Variants in CYP2U1 observed in about 807,000 individuals in gnomAD.
CYP2U1 encodes the protein cytochrome P450 family 2 subfamily U member 1.
Under a neutral mutation model 42.8 loss-of-function variants are expected in CYP2U1, and 28 were observed. The observed-to-expected ratio is 0.65, with a 90% CI of 0.48 to 0.90. The LOEUF is 0.90. Ranked by LOEUF, CYP2U1 falls within the 40% of genes least tolerant of loss-of-function variation. The pLI is 0.00. For missense variants in CYP2U1, 642 were observed against 693.8 expected (o/e 0.93, Z 0.84); for synonymous variants, 296 against 278.9 (o/e 1.06, Z -0.61).
chr4:107,933,544 CTT>C (rs1480371542), intron 1 of CYP2U1, among the ~76,000 whole-genome samples: 3 of 152,096 alleles, frequency 2.0e-5, no homozygotes, highest in Non-Finnish European at 4.4e-5. Context: ...TAGATAATGT[CTT>C]AGTGTTCATC....
intron 1 of CYP2U1, chr4:107,938,356 T>C (rs1733354078): frequency 6.6e-6 from 1 of 152,186 alleles, no homozygotes; most frequent in South Asian, 2.1e-4. Flanking sequence ...TAAAATAAAT[T>C]TAAGTTATCT....
intron 3 of CYP2U1, 26 bp from the exon 4 acceptor site, chr4:107,949,324 C>A: frequency 6.9e-7 from 1 of 1,454,904 alleles, no homozygotes; most frequent in South Asian, 1.6e-5. Context: ...TACTGAATAA[C>A]ACCCATATGT....
chr4:107,939,581 A>C (rs901619405), intron 1 of CYP2U1, among the ~76,000 whole-genome samples: 2 of 152,196 alleles, frequency 1.3e-5, no homozygotes, highest in Non-Finnish European at 2.9e-5. Context: ...GTGGAGGATG[A>C]CTACACTTAA....
intron 4 of CYP2U1, 29 bp from the exon 5 acceptor site, chr4:107,950,216 C>T: frequency 6.4e-7 from 1 of 1,568,160 alleles, no homozygotes; most frequent in South Asian, 1.2e-5. Context: ...GTATTATAAT[C>T]CTTCATTTTT....
intron 1 of CYP2U1, among the ~76,000 whole-genome samples, chr4:107,943,152 C>T (rs1413415877): frequency 3.3e-5 from 5 of 152,186 alleles, no homozygotes; most frequent in Non-Finnish European, 7.4e-5. Flanking sequence ...CGATGAGATA[C>T]GTTTCAGCCT....
intron 1 of CYP2U1, among the ~76,000 whole-genome samples, chr4:107,939,882 T>C (rs547305248): frequency 1.3e-5 from 2 of 152,028 alleles, no homozygotes; most frequent in Non-Finnish European, 2.9e-5. Flanking sequence ...AAATGAAAAG[T>C]TGCTTCTAGA....
Position 107,952,176 on chromosome 4 carries a change from C to T in CYP2U1, c.*1753C>T, listed in dbSNP as rs1733933482. 6.6e-6 allele frequency: 1 copy of T among 152,152 alleles called. No homozygotes were observed. Among genetic ancestry groups the T allele is most frequent in the African/African-American group, 2.4e-5 (1 of 41,416 alleles). The allele number at this position is 152,152 out of a possible 1,614,324, so 9.4% of individuals were successfully genotyped here. ...AAGTGTACTTAAGAGAAAAATCCTA[C>T]CTTATTTGAATAATTACAAGTCATG... is the stretch of plus-strand genomic sequence containing the variant. On this transcript the variant is annotated 3_prime_UTR_variant, in exon 5 of 5. Transcript: ENST00000332884.
intron 1 of CYP2U1, among the ~76,000 whole-genome samples, chr4:107,943,616 A>G (rs932401527): frequency 1.3e-5 from 2 of 152,248 alleles, no homozygotes; most frequent in Non-Finnish European, 2.9e-5. Flanking sequence ...GACATTTGGA[A>G]GATTCCAATG....
At position 107,950,511 on chromosome 4, in the gene CYP2U1, C is replaced by A; in HGVS notation, c.*88C>A. ...TTCCTACTGCAAAGGACAGTGAATC[C>A]AGCAACTCAGTGGATCCAAGCTGGG... On this transcript the variant is annotated 3_prime_UTR_variant, in exon 5 of 5. Coordinates refer to ENST00000332884, the MANE Select transcript of CYP2U1 (RefSeq NM_183075.3). 1 of 1,362,552 alleles carries A rather than the reference C, an allele frequency of 7.3e-7. No homozygotes were observed. Among genetic ancestry groups the A allele is most frequent in the Middle Eastern group, 2.0e-4 (1 of 5,078 alleles). 84.4% of individuals were successfully genotyped at this position (1,362,552 alleles called of 1,614,324 possible).
rs1733655907 is a variant in CYP2U1 at position 107,945,267 on chromosome 4, T to C, written c.788T>C (p.Leu263Pro). 1 of 1,614,158 alleles carries C rather than the reference T, an allele frequency of 6.2e-7. No homozygotes were observed. ...GFMSRGLEIC[L>P]NSQVLLVNIC... is the part of the protein sequence containing the mutation. ...ATGTCACGAGGCCTAGAAATCTGTC[T>C]GAACAGTCAAGTCCTCCTGGTCAAC... Residue 263 changes from leucine to proline, a missense_variant, in exon 2 of 5, where the codon CTG (leucine) becomes CCG (proline). Physicochemically the swap from Leu to Pro is moderately conservative, Grantham distance 98. Transcript: ENST00000332884.
rs1282656972 is a variant in CYP2U1 at position 107,950,317 on chromosome 4, G to A, written c.1529G>A (p.Ser510Asn). 2 of 1,614,098 alleles carry A rather than the reference G, an allele frequency of 1.2e-6. No homozygotes were observed. Among genetic ancestry groups the A allele is most frequent in the Admixed American group, 3.3e-5 (2 of 60,014 alleles). ...LFLMFVSLMQSFAFALPEDSK... is the reference protein window; with the variant it reads ...LFLMFVSLMQNFAFALPEDSK... ...CTAATGTTTGTGAGCCTAATGCAGA[G>A]TTTCGCATTTGCTTTACCTGAGGAT... Residue 510 changes from serine (S) to asparagine (N), a missense_variant, in exon 5 of 5, where the codon AGT (serine) becomes AAT (asparagine). Transcript: ENST00000332884.
chr4:107,950,315 G>C lies in CYP2U1; in HGVS notation c.1527G>C (p.Gln509His), dbSNP rs2126203368. The C allele has an allele frequency of 1.2e-6, 2 of 1,614,104 alleles. No individual in the cohort carries two copies. Among genetic ancestry groups the C allele is most frequent in the Non-Finnish European group, 8.5e-7 (1 of 1,180,008 alleles). ...ELFLMFVSLM[Q>H]SFAFALPEDS... is the part of the protein sequence containing the mutation. ...TCCTAATGTTTGTGAGCCTAATGCAGAGTTTCGCATTTGCTTTACCTGAGG... is the reference window on the plus strand; with the variant it reads ...TCCTAATGTTTGTGAGCCTAATGCACAGTTTCGCATTTGCTTTACCTGAGG... The change falls in exon 5 of 5, where the codon CAG becomes CAC. Residue 509 changes from glutamine (Q) to histidine (H), a missense_variant. Coordinates refer to ENST00000332884, the MANE Select transcript of CYP2U1 (RefSeq NM_183075.3).
In CYP2U1 at chr4:107,941,233, A is replaced by C. The variant is rs112887065; in HGVS notation, c.491-3737A>C. 138 of 104,494 alleles carry C rather than the reference A, an allele frequency of 1.3e-3. 3 individuals are homozygous for C. The highest frequency in any genetic ancestry group is 4.2e-3 in the African/African-American group (131 of 31,562). 6.5% of individuals were successfully genotyped at this position (104,494 alleles called of 1,614,324 possible). On this transcript the variant is annotated intron_variant, in intron 1 of 4. Transcript: ENST00000332884. Reference sequence around the variant, plus strand: ...CTAATATATATCTGTATTTAACAGCATATATATATATAAATATAAATCTGT... The same window carrying C: ...CTAATATATATCTGTATTTAACAGCCTATATATATATAAATATAAATCTGT...
intron 1 of CYP2U1, chr4:107,937,197 G>A (rs560538961): frequency 1.3e-5 from 2 of 152,226 alleles, no homozygotes; most frequent in South Asian, 2.1e-4. Context: ...TACCTCAAAG[G>A]GGAACAAGAT....
At chr4:107,947,310 C>T in intron 2 of CYP2U1, 66 bp from the exon 3 acceptor site, 2 of 1,429,140 alleles carry the variant, frequency 1.4e-6, no homozygotes, top group Non-Finnish European at 2.0e-6. Context: ...GGAAAGTATG[C>T]AGAGGAGGGC....
Position 107,931,939 on chromosome 4 carries a change from C to G in CYP2U1, c.296C>G (p.Ser99Trp), listed in dbSNP as rs1733002087. 1 of 1,551,378 alleles carries G rather than the reference C, an allele frequency of 6.4e-7. No individual in the cohort carries two copies. The highest frequency in any genetic ancestry group is 8.7e-7 in the Non-Finnish European group (1 of 1,147,024). ...ACCAGGGCCGCAGGGATTGATCCCT[C>G]GGTCATAGGCCCGCAGGTGCTCCTG... The part of the protein sequence containing the change: ...SRTRAAGIDP[S>W]VIGPQVLLAH... Residue 99 changes from serine (S) to tryptophan (W), a missense_variant, in exon 1 of 5, where the codon TCG becomes TGG. Transcript: ENST00000332884.
intron 3 of CYP2U1, among the ~76,000 whole-genome samples, chr4:107,947,944 T>C (rs1452245674): frequency 6.6e-6 from 1 of 152,162 alleles, no homozygotes; most frequent in African/African-American, 2.4e-5. Context: ...ACTTCAACTT[T>C]TAAAATTCTG....
intron 1 of CYP2U1, 53 bp downstream of exon 1, chr4:107,932,186 A>G (rs971664984): frequency 3.9e-6 from 6 of 1,548,692 alleles, no homozygotes; most frequent in Middle Eastern, 3.6e-4. Context: ...ATGAGTCTCC[A>G]GGTGCGTGGG....
At position 107,947,574 on chromosome 4, in the gene CYP2U1, G is replaced by A. The variant is rs775245820; in HGVS notation, c.1288+37G>A. 17 of 1,608,166 alleles carry A rather than the reference G, an allele frequency of 1.1e-5. No individual in the cohort carries two copies. The Middle Eastern group carries it at 8.4e-4, about 79-fold the overall frequency. On this transcript the variant is annotated intron_variant, in intron 3 of 4. Transcript: ENST00000332884. ...GTCTTCCTCTTTGAATGCCCTTGAC[G>A]GAAGCAGGGCCCTCTAATCCAGGGT...
Sources: gnomAD v4.1 joint callset for allele counts (sites outside exome capture counted in the v4.1 genomes callset) on GRCh38, gnomAD v4.1.1 for gene constraint, MANE v1.5 for transcripts, NCBI Gene and HGNC (gene_info 2026-07-23, HGNC 2026-07-21) for gene names.